GCNT2: variants seen among roughly 807,000 people sequenced by gnomAD.
The protein encoded by GCNT2 is N-acetyllactosaminide beta-1,6-N-acetylglucosaminyl-transferase.
Under a neutral mutation model 34.2 loss-of-function variants are expected in GCNT2, and 34 were observed. The ratio of observed to expected loss-of-function variants is 1.00; its 90% CI spans 0.76 to 1.32. The LOEUF is 1.32. Among genes scored for constraint, GCNT2 ranks in the 40% most tolerant of loss-of-function variants. The pLI is 0.00. For missense variants in GCNT2, 584 were observed against 489.4 expected (o/e 1.19, Z -1.82); for synonymous variants, 212 against 188.0 (o/e 1.13, Z -1.04).
intron 3 of GCNT2, among the ~76,000 whole-genome samples, chr6:10,612,774 C>T (rs1173672591): frequency 6.6e-6 from 1 of 152,168 alleles, no homozygotes; most frequent in Non-Finnish European, 1.5e-5. Flanking sequence ...CAATGCTTGT[C>T]TCTCCGACTT....
intron 1 of GCNT2, among the ~76,000 whole-genome samples, chr6:10,525,451 A>C (rs1761138639): frequency 6.6e-6 from 1 of 152,072 alleles, no homozygotes; most frequent in Non-Finnish European, 1.5e-5. Flanking sequence ...CCTGATTACC[A>C]TCTCCTCCCA....
At chr6:10,560,220 C>G (rs1312455766) in intron 3 of GCNT2, among the ~76,000 whole-genome samples, 1 of 152,128 alleles carries the variant, frequency 6.6e-6, no homozygotes, top group Non-Finnish European at 1.5e-5. Flanking sequence ...TCCTGAGTAG[C>G]TAGGATTATA....
At chr6:10,612,306 T>C (rs540537896) in intron 3 of GCNT2, among the ~76,000 whole-genome samples, 104 of 152,264 alleles carry the variant, frequency 6.8e-4, no homozygotes, top group African/African-American at 2.5e-3. Flanking sequence ...GTTTTAACTT[T>C]AGATCAATCA....
chr6:10,565,174 G>C (rs1038908471), intron 3 of GCNT2, among the ~76,000 whole-genome samples: 1 of 152,220 alleles, frequency 6.6e-6, no homozygotes, highest in Admixed American at 6.5e-5. Flanking sequence ...ATAGCCGAGC[G>C]AACGAGGATG....
intron 3 of GCNT2, among the ~76,000 whole-genome samples, chr6:10,559,309 C>T (rs1309601615): frequency 6.6e-6 from 1 of 152,060 alleles, no homozygotes; most frequent in East Asian, 1.9e-4. Flanking sequence ...GAGAGAACGA[C>T]ATCTACATGG....
chr6:10,535,000 A>T (rs140455077), intron 3 of GCNT2, among the ~76,000 whole-genome samples: 1 of 152,180 alleles, frequency 6.6e-6, no homozygotes, highest in South Asian at 2.1e-4. Flanking sequence ...CCTGGCCAAC[A>T]TGATGAAACC....
intron 3 of GCNT2, among the ~76,000 whole-genome samples, chr6:10,540,144 A>G (rs775159229): frequency 2.0e-5 from 3 of 151,652 alleles, no homozygotes; most frequent in South Asian, 2.1e-4. Context: ...AGGAAGGAAG[A>G]GAGGGAGAGA....
intron 3 of GCNT2, among the ~76,000 whole-genome samples, chr6:10,539,833 C>T (rs1351793270): frequency 6.6e-6 from 1 of 152,208 alleles, no homozygotes; most frequent in East Asian, 1.9e-4. Context: ...TGCCTGTAAT[C>T]CCAACACTGG....
At chr6:10,527,796 G>A (rs917497002) in intron 2 of GCNT2, 136 bp downstream of exon 2, 5 of 152,068 alleles carry the variant, frequency 3.3e-5, no homozygotes, top group African/African-American at 1.2e-4. Flanking sequence ...TGGACACGGC[G>A]ATGGACTCTG....
chr6:10,563,201 G>A lies in GCNT2; in HGVS notation c.925+33365G>A, dbSNP rs909628307. Among the ~76,000 whole-genome samples the A allele has an allele frequency of 3.9e-5, 6 of 152,028 alleles. No individual in the cohort carries two copies. In the South Asian group the frequency reaches 1.2e-3, roughly 32 times the overall value. On this transcript the variant is annotated intron_variant, in intron 3 of 4. Coordinates refer to ENST00000495262, the MANE Select transcript of GCNT2 (RefSeq NM_145649.5). ...ACATCCCTCCTGTGATATTAGAGGG[G>A]CAAGATTTAGTTTTATACATATGGG...
At chr6:10,597,355 A>C (rs563034720) in intron 3 of GCNT2, among the ~76,000 whole-genome samples, 10 of 151,772 alleles carry the variant, frequency 6.6e-5, no homozygotes, top group Admixed American at 6.6e-5. Flanking sequence ...CGGTTTTGCC[A>C]TGTTGCCCAG....
chr6:10,547,693 A>C (rs1032426841), intron 3 of GCNT2, among the ~76,000 whole-genome samples: 1 of 152,196 alleles, frequency 6.6e-6, no homozygotes, highest in Admixed American at 6.5e-5. Flanking sequence ...TTTGCCATTC[A>C]TTGGATCTTG....
intron 3 of GCNT2, among the ~76,000 whole-genome samples, chr6:10,537,698 C>CAAAAAAAAAAA (rs201257236): frequency 1.6e-4 from 13 of 83,196 alleles, no homozygotes; most frequent in African/African-American, 1.7e-4. Flanking sequence ...GATTCTGCCG[C>CAAAAAAAAAAA]AAAAAAAAAA....
intron 3 of GCNT2, among the ~76,000 whole-genome samples, chr6:10,576,790 G>C (rs1763836373): frequency 6.6e-6 from 1 of 152,122 alleles, no homozygotes; most frequent in Admixed American, 6.5e-5. Context: ...AAGCACTCAA[G>C]AAGCCGGATA....
At chr6:10,563,647 CAGG>C (rs1763117281) in intron 3 of GCNT2, among the ~76,000 whole-genome samples, 1 of 150,832 alleles carries the variant, frequency 6.6e-6, no homozygotes, top group Non-Finnish European at 1.5e-5. Flanking sequence ...GAGGCTGAGG[CAGG>C]AGAATCGCTT....
chr6:10,611,333 TC>T (rs1398389959), intron 3 of GCNT2, among the ~76,000 whole-genome samples: 2 of 106,234 alleles, frequency 1.9e-5, no homozygotes, highest in Non-Finnish European at 4.3e-5. Flanking sequence ...TTTCTTTCTT[TC>T]TTTTTTTTTT....
intron 3 of GCNT2, among the ~76,000 whole-genome samples, chr6:10,579,830 A>C (rs6921118): frequency 0.036 from 4,062 of 111,996 alleles, 184 homozygotes; most frequent in African/African-American, 0.15. Flanking sequence ...AACAAACAAA[A>C]AAAAAAAAAA....
intron 3 of GCNT2, among the ~76,000 whole-genome samples, chr6:10,595,676 G>T (rs1303641363): frequency 1.3e-5 from 2 of 149,512 alleles, no homozygotes; most frequent in Non-Finnish European, 3.0e-5. Context: ...ACATAGCCAA[G>T]ATCTGAAAAA....
intron 1 of GCNT2, among the ~76,000 whole-genome samples, chr6:10,523,743 T>C (rs1360642001): frequency 2.6e-5 from 4 of 151,594 alleles, no homozygotes; most frequent in East Asian, 3.9e-4. Flanking sequence ...GAGGCCGGGG[T>C]GGGCGGATCA....
Sources: allele counts gnomAD v4.1 joint callset (sites outside exome capture counted in the v4.1 genomes callset), GRCh38; gene constraint gnomAD v4.1.1; transcripts MANE v1.5; gene names NCBI Gene and HGNC (gene_info 2026-07-23, HGNC 2026-07-21).